Variants in MNAT1 observed in about 807,000 individuals in gnomAD.
The protein encoded by MNAT1 is CDK-activating kinase assembly factor MAT1.
In MNAT1, 43 loss-of-function variants were observed where a neutral mutation model predicts 42.0. The observed-to-expected ratio is 1.02, with a 90% CI of 0.80 to 1.32. The LOEUF (loss-of-function observed/expected upper bound fraction) is 1.32, where lower values mean the gene tolerates loss of function less well. Among genes scored for constraint, MNAT1 ranks in the 40% most tolerant of loss-of-function variants. The pLI is 0.00. For synonymous variants in MNAT1, 118 were observed against 120.0 expected, an observed-to-expected ratio of 0.98 and a Z score of 0.11; for missense variants, 306 against 350.4, an observed-to-expected ratio of 0.87 and a Z score of 1.01.
chr14:60,757,220 T>G (rs767587019), intron 1 of MNAT1, among the ~76,000 whole-genome samples: 3 of 152,150 alleles, frequency 2.0e-5, no homozygotes, highest in Non-Finnish European at 4.4e-5. Flanking sequence ...GGGATTGGTG[T>G]TTGAGATGGA....
intron 7 of MNAT1, 54 bp downstream of exon 7, chr14:60,879,889 T>C (rs2034515013): frequency 1.3e-6 from 2 of 1,559,298 alleles, no homozygotes; most frequent in Non-Finnish European, 1.7e-6. Flanking sequence ...GACTTATTGC[T>C]GTTCTTAACT....
chr14:60,768,103 A>G (rs377431820), intron 1 of MNAT1, among the ~76,000 whole-genome samples: 3 of 151,910 alleles, frequency 2.0e-5, no homozygotes, highest in African/African-American at 7.3e-5. Flanking sequence ...GTTTCGCCAC[A>G]TTGGCCAGGA....
chr14:60,817,720 TAG>T (rs1402698624), intron 5 of MNAT1, among the ~76,000 whole-genome samples: 2 of 152,068 alleles, frequency 1.3e-5, no homozygotes, highest in Non-Finnish European at 2.9e-5. Flanking sequence ...ATGTTAACAA[TAG>T]AGTTTCTTCA....
intron 7 of MNAT1, among the ~76,000 whole-genome samples, chr14:60,884,119 G>A (rs1042691119): frequency 3.9e-5 from 6 of 152,060 alleles, no homozygotes; most frequent in African/African-American, 1.4e-4. Flanking sequence ...TAGCAGTGGT[G>A]ATAGTGGGCA....
intron 7 of MNAT1, among the ~76,000 whole-genome samples, chr14:60,909,776 CT>C (rs1174475736): frequency 2.6e-5 from 4 of 152,112 alleles, no homozygotes; most frequent in Admixed American, 6.6e-5. Context: ...CAGCTTTGTT[CT>C]TTTGGCTTAG....
chr14:60,839,814 C>T (rs1044621874), intron 6 of MNAT1, among the ~76,000 whole-genome samples: 4 of 152,248 alleles, frequency 2.6e-5, no homozygotes, highest in Admixed American at 1.3e-4. Context: ...AGCTGCCCAC[C>T]CTGCTGCAGC....
At chr14:60,892,263 T>A (rs1014223840) in intron 7 of MNAT1, among the ~76,000 whole-genome samples, 4 of 152,136 alleles carry the variant, frequency 2.6e-5, no homozygotes, top group Non-Finnish European at 4.4e-5. Flanking sequence ...AGGCTTTAAC[T>A]ATTATTGTAA....
chr14:60,760,554 C>T (rs2140299452), intron 1 of MNAT1, among the ~76,000 whole-genome samples: 1 of 152,160 alleles, frequency 6.6e-6, no homozygotes, highest in South Asian at 2.1e-4. Context: ...AATGTTTGTG[C>T]TTTAAGCAAA....
At chr14:60,935,063 T>C (rs909828127) in intron 7 of MNAT1, among the ~76,000 whole-genome samples, 4 of 152,230 alleles carry the variant, frequency 2.6e-5, no homozygotes, top group Non-Finnish European at 5.9e-5. Context: ...CTTCTTTAAT[T>C]TTAGAGAGGC....
chr14:60,770,554 C>T (rs1310711871), intron 1 of MNAT1, among the ~76,000 whole-genome samples: 1 of 152,058 alleles, frequency 6.6e-6, no homozygotes, highest in Non-Finnish European at 1.5e-5. Flanking sequence ...CACAAGAGTT[C>T]TTAATTTATA....
chr14:60,787,409 A>G (rs976573445), intron 1 of MNAT1, among the ~76,000 whole-genome samples: 4 of 152,188 alleles, frequency 2.6e-5, no homozygotes, highest in African/African-American at 4.8e-5. Flanking sequence ...GAAAGTGACT[A>G]TAATCTTTGT....
chr14:60,813,943 TA>T (rs2139356544), intron 5 of MNAT1, among the ~76,000 whole-genome samples: 1 of 152,306 alleles, frequency 6.6e-6, no homozygotes, highest in South Asian at 2.1e-4. Flanking sequence ...TTTACTTCTA[TA>T]TTTTTAAAAA....
chr14:60,881,377 G>A (rs1369419830), intron 7 of MNAT1, among the ~76,000 whole-genome samples: 1 of 151,964 alleles, frequency 6.6e-6, no homozygotes, highest in African/African-American at 2.4e-5. Flanking sequence ...TAGAGACAGG[G>A]TTTCACCATG....
intron 7 of MNAT1, among the ~76,000 whole-genome samples, chr14:60,880,559 G>GA (rs1404851419): frequency 6.6e-6 from 1 of 151,496 alleles, no homozygotes; most frequent in South Asian, 2.1e-4. Context: ...AATATACTGT[G>GA]AAAAAAAAGT....
At chr14:60,920,188 C>G (rs1433953448) in intron 7 of MNAT1, 1 of 151,912 alleles carries the variant, frequency 6.6e-6, no homozygotes, top group African/African-American at 2.4e-5. Flanking sequence ...GTGGGACCAG[C>G]AGAGCCCAAG....
intron 6 of MNAT1, among the ~76,000 whole-genome samples, chr14:60,827,675 G>A (rs2033093406): frequency 6.6e-6 from 1 of 152,116 alleles, no homozygotes; most frequent in Non-Finnish European, 1.5e-5. Flanking sequence ...AGTAAATCAA[G>A]TATAACAACT....
At chr14:60,967,496 G>A (rs1317178413) in intron 7 of MNAT1, among the ~76,000 whole-genome samples, 1 of 152,046 alleles carries the variant, frequency 6.6e-6, no homozygotes, top group African/African-American at 2.4e-5. Flanking sequence ...TGGCTAGATT[G>A]TCCAATGTTT....
At chr14:60,833,388 G>A (rs2139387136) in intron 6 of MNAT1, among the ~76,000 whole-genome samples, 1 of 152,272 alleles carries the variant, frequency 6.6e-6, no homozygotes, top group South Asian at 2.1e-4. Context: ...TTAGCATGAA[G>A]GGGTATTGAA....
intron 7 of MNAT1, among the ~76,000 whole-genome samples, chr14:60,954,114 T>C (rs966051630): frequency 3.9e-5 from 6 of 152,202 alleles, no homozygotes; most frequent in African/African-American, 1.4e-4. Context: ...AGCTTTGTAG[T>C]ATACTTTGAG....
Sources: gnomAD v4.1 joint callset for allele counts (sites outside exome capture counted in the v4.1 genomes callset) on GRCh38, gnomAD v4.1.1 for gene constraint, MANE v1.5 for transcripts, NCBI Gene and HGNC (gene_info 2026-07-23, HGNC 2026-07-21) for gene names.